Variants in KLHL2 observed in about 807,000 individuals in gnomAD.
KLHL2 encodes kelch like family member 2.
A neutral mutation model predicts 75.8 loss-of-function variants in KLHL2; 15 were observed. That is an observed-to-expected ratio of 0.20 (90% confidence interval 0.13 to 0.30). The LOEUF is 0.30. Among genes scored for constraint, KLHL2 ranks in the 10% least tolerant of loss-of-function variants. The pLI, the probability that KLHL2 is intolerant of heterozygous loss-of-function variation, is 1.00. For synonymous variants in KLHL2, 214 were observed against 251.9 expected, an observed-to-expected ratio of 0.85 and a Z score of 1.42; for missense variants, 381 against 741.0, an observed-to-expected ratio of 0.51 and a Z score of 5.64.
Position 165,319,006 on chromosome 4 carries a change from C to T in KLHL2, c.1753+1037C>T, listed in dbSNP as rs1377817987. Among the ~76,000 whole-genome samples the T allele has an allele frequency of 1.3e-5, 2 of 151,980 alleles. No individual in the cohort carries two copies. Among genetic ancestry groups the T allele is most frequent in the African/African-American group, 4.8e-5 (2 of 41,380 alleles). On this transcript the variant is annotated intron_variant, in intron 14 of 14. Transcript: ENST00000226725. The surrounding 1 kb of genome is among the most constrained non-coding windows in gnomAD (Gnocchi z 4.5). ...CACAAACTCTTATGGGAACAAACAC[C>T]CACAAACCATAGATGGTGTCATTCA...
intron 9 of KLHL2, among the ~76,000 whole-genome samples, chr4:165,310,119 C>T (rs1364838803): frequency 2.6e-5 from 4 of 152,088 alleles, no homozygotes; most frequent in South Asian, 2.1e-4. Flanking sequence ...GGGCAGATCA[C>T]GAGGTCAGGA....
chr4:165,210,058 A>C, intron 1 of KLHL2: 1 of 1,550,980 alleles, frequency 6.4e-7, no homozygotes, highest in Non-Finnish European at 8.7e-7. Flanking sequence ...AGTGGAAACT[A>C]TTAGGAAGAC....
At chr4:165,297,172 G>A (rs902512422) in intron 6 of KLHL2, among the ~76,000 whole-genome samples, 7 of 152,028 alleles carry the variant, frequency 4.6e-5, no homozygotes, top group African/African-American at 1.7e-4. Flanking sequence ...TCACAATTAT[G>A]TATTGTAAAA....
chr4:165,292,893 A>G (rs1251838430), intron 5 of KLHL2, among the ~76,000 whole-genome samples: 1 of 152,228 alleles, frequency 6.6e-6, no homozygotes, highest in African/African-American at 2.4e-5. Flanking sequence ...TTTAGAATTT[A>G]TAATATTAAC....
intron 4 of KLHL2, among the ~76,000 whole-genome samples, chr4:165,251,459 A>G (rs566658781): frequency 1.3e-5 from 2 of 152,298 alleles, no homozygotes; most frequent in South Asian, 4.1e-4. Flanking sequence ...AATTATTTTT[A>G]TTCAATATAA....
chr4:165,297,527 TA>T (rs1384854098), intron 6 of KLHL2, 81 bp from the exon 7 acceptor site: 1 of 818,860 alleles, frequency 1.2e-6, no homozygotes, highest in Non-Finnish European at 2.1e-6. Flanking sequence ...GAGTTATATA[TA>T]AAATGTAGTC....
chr4:165,280,701 T>C (rs1435784507), intron 5 of KLHL2, among the ~76,000 whole-genome samples: 2 of 152,268 alleles, frequency 1.3e-5, no homozygotes, highest in African/African-American at 4.8e-5. Context: ...GTTAATTATT[T>C]GTATATTCAT....
Position 165,318,239 on chromosome 4 carries a change from A to G in KLHL2, c.1753+270A>G, listed in dbSNP as rs1478349210. ...TTTAATGTAGCTAAAATCTGTATGCAGAGGAGAAGAATTCATATGTGGCAA... is the reference window on the plus strand; with the variant it reads ...TTTAATGTAGCTAAAATCTGTATGCGGAGGAGAAGAATTCATATGTGGCAA... On this transcript the variant is annotated intron_variant, in intron 14 of 14. Transcript: ENST00000226725. Among the ~76,000 whole-genome samples the G allele has an allele frequency of 4.6e-5, 7 of 152,226 alleles. No individual in the cohort carries two copies. In the East Asian group the frequency reaches 9.6e-4, roughly 21 times the overall value.
At chr4:165,264,617 C>CAT (rs1201768634) in intron 5 of KLHL2, among the ~76,000 whole-genome samples, 13 of 135,378 alleles carry the variant, frequency 9.6e-5, no homozygotes, top group African/African-American at 3.0e-4. Context: ...CACACACACA[C>CAT]GTACGTATAT....
chr4:165,312,774 G>A (rs952732200), intron 11 of KLHL2, among the ~76,000 whole-genome samples: 2 of 152,138 alleles, frequency 1.3e-5, no homozygotes, highest in Non-Finnish European at 1.5e-5. Flanking sequence ...TTAGGGTGAT[G>A]TTTTCAAGAT....
chr4:165,281,135 T>C (rs1743637667), intron 5 of KLHL2, among the ~76,000 whole-genome samples: 1 of 152,196 alleles, frequency 6.6e-6, no homozygotes, highest in Non-Finnish European at 1.5e-5. Context: ...AGACCCATCA[T>C]GGCATTTTAA....
chr4:165,282,271 G>A (rs934270224), intron 5 of KLHL2, among the ~76,000 whole-genome samples: 2 of 152,206 alleles, frequency 1.3e-5, no homozygotes, highest in African/African-American at 4.8e-5. Flanking sequence ...CAAGTGTGCA[G>A]TAACTGTTGA....
chr4:165,215,352 G>A (rs1737469769), intron 1 of KLHL2, among the ~76,000 whole-genome samples: 8 of 152,168 alleles, frequency 5.3e-5, no homozygotes, highest in Admixed American at 5.2e-4. Flanking sequence ...GGTTGACTCT[G>A]TACTTCTGAT....
chr4:165,308,455 C>G (rs1419414675), intron 9 of KLHL2, among the ~76,000 whole-genome samples: 1 of 152,156 alleles, frequency 6.6e-6, no homozygotes, highest in Non-Finnish European at 1.5e-5. Flanking sequence ...ACTGTGTAAA[C>G]TTGGCCAAAT....
intron 10 of KLHL2, 82 bp from the exon 11 acceptor site, chr4:165,311,382 C>T: frequency 1.1e-6 from 1 of 943,514 alleles, no homozygotes; most frequent in South Asian, 1.6e-5. Context: ...CCCAGTATAA[C>T]ATACCTGAAG....
intron 5 of KLHL2, chr4:165,278,941 A>C (rs568584685): frequency 6.9e-7 from 1 of 1,447,708 alleles, no homozygotes; most frequent in East Asian, 2.3e-5. Context: ...TCTCAGAAGA[A>C]CTCCGAACAT....
At chr4:165,311,285 G>A (rs28678592) in intron 10 of KLHL2, among the ~76,000 whole-genome samples, 179 bp from the exon 11 acceptor site, 38,553 of 152,056 alleles carry the variant, frequency 0.25, 5,495 homozygotes, top group Non-Finnish European at 0.33. Context: ...CAGTAGCTTA[G>A]GTAGGAGCCT....
intron 4 of KLHL2, among the ~76,000 whole-genome samples, chr4:165,254,293 T>C (rs1740979321): frequency 6.6e-6 from 1 of 152,236 alleles, no homozygotes; most frequent in African/African-American, 2.4e-5. Flanking sequence ...TATTAGTCTT[T>C]ATTATTACTG....
chr4:165,274,610 A>G (rs1233041022), intron 5 of KLHL2, among the ~76,000 whole-genome samples: 2 of 76,408 alleles, frequency 2.6e-5, no homozygotes, highest in African/African-American at 5.8e-5. Context: ...CTACGTCTCA[A>G]AAAAAAAAAA....
Sources: gnomAD v4.1 joint callset for allele counts (sites outside exome capture counted in the v4.1 genomes callset) on GRCh38, gnomAD v4.1.1 for gene constraint, Gnocchi (gnomAD v3.1) non-coding constraint, MANE v1.5 for transcripts, NCBI Gene and HGNC (gene_info 2026-07-23, HGNC 2026-07-21) for gene names.